The following NXPH2 variants were observed in gnomAD, a reference collection of about 807,000 sequenced individuals.
The protein encoded by NXPH2 is neurexophilin 2.
Under a neutral mutation model 19.8 loss-of-function variants are expected in NXPH2, and 5 were observed. The observed-to-expected ratio is 0.25, with a 90% CI of 0.13 to 0.53. The LOEUF (loss-of-function observed/expected upper bound fraction) is 0.53, where lower values mean the gene tolerates loss of function less well. NXPH2 is among the 20% of genes least tolerant of loss of function. The probability of loss-of-function intolerance (pLI) is 0.96; values close to 1 mark genes in which losing one functional copy is unlikely to be tolerated. For missense variants in NXPH2, 289 were observed against 322.8 expected (o/e 0.90, Z 0.80); for synonymous variants, 154 against 127.4 (o/e 1.21, Z -1.41).
chr2:138,757,841 C>A (rs1246734909), intron 1 of NXPH2, among the ~76,000 whole-genome samples: 1 of 135,926 alleles, frequency 7.4e-6, no homozygotes, highest in Non-Finnish European at 1.7e-5. Context: ...ATCTATCTAT[C>A]TATCTATCTA....
At chr2:138,768,139 G>T (rs1682121804) in intron 1 of NXPH2, among the ~76,000 whole-genome samples, 1 of 152,054 alleles carries the variant, frequency 6.6e-6, no homozygotes, top group South Asian at 2.1e-4. Flanking sequence ...TACTAATTGG[G>T]CATTTTAAAA....
chr2:138,765,395 A>G (rs543833945), intron 1 of NXPH2, among the ~76,000 whole-genome samples: 1 of 152,332 alleles, frequency 6.6e-6, no homozygotes, highest in East Asian at 1.9e-4. Flanking sequence ...TCAAATTTTA[A>G]CACCACCAGG....
chr2:138,674,137 C>T (rs922248611), intron 1 of NXPH2, among the ~76,000 whole-genome samples: 6 of 151,906 alleles, frequency 3.9e-5, no homozygotes, highest in Non-Finnish European at 8.8e-5. Context: ...ACTACCATGC[C>T]TGGCTAATTT....
chr2:138,739,611 C>A (rs1681612126), intron 1 of NXPH2, among the ~76,000 whole-genome samples: 1 of 152,086 alleles, frequency 6.6e-6, no homozygotes, highest in Non-Finnish European at 1.5e-5. Context: ...ATGGTGGGGG[C>A]AGGTTACTGA....
chr2:138,711,808 C>T (rs919254014), intron 1 of NXPH2, among the ~76,000 whole-genome samples: 2 of 152,122 alleles, frequency 1.3e-5, no homozygotes, highest in Non-Finnish European at 2.9e-5. Flanking sequence ...TCATTTACAC[C>T]GTTCTTTGCT....
chr2:138,752,768 G>A (rs1413378380), intron 1 of NXPH2, among the ~76,000 whole-genome samples: 1 of 151,946 alleles, frequency 6.6e-6, no homozygotes, highest in Non-Finnish European at 1.5e-5. Context: ...GACTTTCTTT[G>A]TTTCCGACGA....
chr2:138,678,106 A>G (rs1680514508), intron 1 of NXPH2, among the ~76,000 whole-genome samples: 1 of 152,200 alleles, frequency 6.6e-6, no homozygotes, highest in Non-Finnish European at 1.5e-5. Flanking sequence ...AAGATTCTCA[A>G]CTTGTCTTGG....
At chr2:138,755,535 A>C (rs1377527065) in intron 1 of NXPH2, among the ~76,000 whole-genome samples, 1 of 152,004 alleles carries the variant, frequency 6.6e-6, no homozygotes, top group Admixed American at 6.6e-5. Context: ...CTATGTGTCT[A>C]TATTTGCTTT....
At chr2:138,777,831 T>TAAAAAAAAAAAAA (rs11299940) in intron 1 of NXPH2, among the ~76,000 whole-genome samples, 8 of 92,956 alleles carry the variant, frequency 8.6e-5, no homozygotes, top group East Asian at 3.3e-4. Context: ...ACCAAAAAAT[T>TAAAAAAAAAAAAA]AAAAAAAAAA....
chr2:138,742,181 T>C (rs1430244670), intron 1 of NXPH2, among the ~76,000 whole-genome samples: 1 of 152,142 alleles, frequency 6.6e-6, no homozygotes, highest in Admixed American at 6.5e-5. Flanking sequence ...GCTCCAGATC[T>C]GGGGTGTCCG....
At chr2:138,754,151 T>C (rs892802922) in intron 1 of NXPH2, among the ~76,000 whole-genome samples, 2 of 152,194 alleles carry the variant, frequency 1.3e-5, no homozygotes, top group African/African-American at 4.8e-5. Context: ...TTTTGTCATA[T>C]TTTGTATTTC....
intron 1 of NXPH2, among the ~76,000 whole-genome samples, chr2:138,733,256 T>C (rs1445057120): frequency 6.6e-6 from 1 of 152,202 alleles, no homozygotes; most frequent in African/African-American, 2.4e-5. Flanking sequence ...TAGTGATAAG[T>C]GTATTTAAAG....
intron 1 of NXPH2, among the ~76,000 whole-genome samples, chr2:138,710,480 C>T (rs1573962415): frequency 6.6e-6 from 1 of 151,994 alleles, no homozygotes; most frequent in Non-Finnish European, 1.5e-5. Context: ...TTAGAGAAAC[C>T]GCCAAACTTT....
chr2:138,702,514 A>G lies in NXPH2; in HGVS notation c.52-30849T>C, dbSNP rs1274507178. Among the ~76,000 whole-genome samples, 4 of 152,106 alleles carry G rather than the reference A, an allele frequency of 2.6e-5. No homozygotes were observed. The East Asian group carries it at 7.7e-4, about 29-fold the overall frequency. On this transcript the variant is annotated intron_variant, in intron 1 of 1. Transcript: ENST00000272641. ...AGCCTCTTCTCACCTCATGGCTTCCACCCCTACCCAACCACTATCAGAAGA... is the reference window on the plus strand; with the variant it reads ...AGCCTCTTCTCACCTCATGGCTTCCGCCCCTACCCAACCACTATCAGAAGA...
intron 1 of NXPH2, among the ~76,000 whole-genome samples, chr2:138,738,781 T>A (rs753593527): frequency 1.3e-5 from 2 of 152,316 alleles, no homozygotes; most frequent in East Asian, 3.9e-4. Flanking sequence ...TAATGCCACA[T>A]GCAGAAAATA....
At chr2:138,706,517 T>C (rs992039138) in intron 1 of NXPH2, among the ~76,000 whole-genome samples, 8 of 152,222 alleles carry the variant, frequency 5.3e-5, no homozygotes, top group African/African-American at 1.9e-4. Flanking sequence ...TTTGTCCCCA[T>C]CCTGTTTATG....
chr2:138,697,544 A>G (rs1680846950), intron 1 of NXPH2, among the ~76,000 whole-genome samples: 1 of 151,994 alleles, frequency 6.6e-6, no homozygotes, highest in Admixed American at 6.6e-5. Flanking sequence ...GGGAAAAGTG[A>G]TATACGTTTG....
chr2:138,769,235 G>A lies in NXPH2; in HGVS notation c.51+10956C>T, dbSNP rs543768512. 9.2e-5 allele frequency among the ~76,000 whole-genome samples: 14 copies of A among 152,314 alleles called. No homozygotes were observed. In the South Asian group the frequency reaches 2.9e-3, roughly 32 times the overall value. ...CCAGTGAGGAGGCTGTGATAGTGAT[G>A]ACATGGCTGGGGATGGAGAGGAAGA... On this transcript the variant is annotated intron_variant, in intron 1 of 1. Transcript: ENST00000272641.
At chr2:138,717,057 C>A (rs1681205886) in intron 1 of NXPH2, among the ~76,000 whole-genome samples, 1 of 152,128 alleles carries the variant, frequency 6.6e-6, no homozygotes. Flanking sequence ...TTGGAACTCA[C>A]AGTTTTCAAA....
Sources: gnomAD v4.1 joint callset for allele counts (sites outside exome capture counted in the v4.1 genomes callset) on GRCh38, gnomAD v4.1.1 for gene constraint, MANE v1.5 for transcripts, NCBI Gene and HGNC (gene_info 2026-07-23, HGNC 2026-07-21) for gene names.